The following FGGY variants were observed in gnomAD, a reference collection of about 807,000 sequenced individuals.
The protein encoded by FGGY is FGGY carbohydrate kinase domain containing, also known as FGGY carbohydrate kinase domain-containing protein.
Under a neutral mutation model 71.3 loss-of-function variants are expected in FGGY, and 72 were observed. That is an observed-to-expected ratio of 1.01 (90% CI 0.84 to 1.23). The LOEUF is 1.23. Ranked by LOEUF, FGGY falls within the 50% of genes most tolerant of loss-of-function variation. The pLI, the probability that FGGY is intolerant of heterozygous loss-of-function variation, is 0.00. For synonymous variants in FGGY, 251 were observed against 250.3 expected (o/e 1.00, Z -0.02); for missense variants, 668 against 682.3 (o/e 0.98, Z 0.23).
chr1:59,379,126 A>G (rs1276678439), intron 5 of FGGY, among the ~76,000 whole-genome samples: 2 of 151,238 alleles, frequency 1.3e-5, no homozygotes, highest in African/African-American at 4.9e-5. Context: ...ATTTTTCCAA[A>G]GGCACTTTTT....
intron 11 of FGGY, among the ~76,000 whole-genome samples, chr1:59,659,658 T>C (rs1385283251): frequency 6.6e-6 from 1 of 152,204 alleles, no homozygotes; most frequent in African/African-American, 2.4e-5. Context: ...CTCTCAGAGA[T>C]TGACATACTC....
At chr1:59,306,742 A>G (rs746132904) in intron 1 of FGGY, among the ~76,000 whole-genome samples, 4 of 152,220 alleles carry the variant, frequency 2.6e-5, no homozygotes, top group Non-Finnish European at 5.9e-5. Context: ...GAAGGTAGAG[A>G]ATGGATATGT....
rs1558481908 is a variant in FGGY at position 59,593,813 on chromosome 1, T to C, written c.904-13990T>C. Among the ~76,000 whole-genome samples the C allele has an allele frequency of 2.6e-5, 4 of 152,292 alleles. No homozygotes were observed. The East Asian group carries it at 7.7e-4, about 29-fold the overall frequency. On this transcript the variant is annotated intron_variant, in intron 8 of 15. Transcript: ENST00000303721. Reference sequence around the variant, plus strand: ...TCTCTTTTTCACAGGACCTGACACATAGAAGGTGCTCAGCTGAATGTTTGC... The same window carrying C: ...TCTCTTTTTCACAGGACCTGACACACAGAAGGTGCTCAGCTGAATGTTTGC...
chr1:59,520,162 C>T lies in FGGY; in HGVS notation c.799+7723C>T, dbSNP rs185629341. 5.5e-4 allele frequency among the ~76,000 whole-genome samples: 83 copies of T among 152,254 alleles called. 1 individual carries two copies. The highest frequency in any genetic ancestry group is 1.5e-4 in the Non-Finnish European group (10 of 68,052). On this transcript the variant is annotated intron_variant, in intron 7 of 15. Coordinates refer to ENST00000303721, the MANE Select transcript of FGGY (RefSeq NM_018291.5). The stretch of plus-strand genomic sequence containing the variant: ...GAACACCTCCAGTGATATTATTTCT[C>T]TTCATCAATTCAGCTTATTTCTATA...
intron 6 of FGGY, among the ~76,000 whole-genome samples, chr1:59,477,442 C>T (rs928351715): frequency 6.6e-5 from 10 of 152,158 alleles, no homozygotes; most frequent in African/African-American, 2.4e-4. Flanking sequence ...GGTTTGCTGG[C>T]AGACACTGCG....
intron 8 of FGGY, among the ~76,000 whole-genome samples, chr1:59,559,741 C>T (rs982015941): frequency 7.2e-5 from 11 of 152,122 alleles, no homozygotes; most frequent in African/African-American, 2.7e-4. Flanking sequence ...GAGAATATGT[C>T]ACAGGGAGCC....
chr1:59,537,007 T>C (rs1362893117), intron 7 of FGGY, among the ~76,000 whole-genome samples: 76 of 151,722 alleles, frequency 5.0e-4, no homozygotes, highest in East Asian at 2.5e-3. Flanking sequence ...GGCAATCAGG[T>C]AGGAGAAGGA....
At chr1:59,391,149 C>T (rs1476488803) in intron 5 of FGGY, among the ~76,000 whole-genome samples, 1 of 152,134 alleles carries the variant, frequency 6.6e-6, no homozygotes, top group Non-Finnish European at 1.5e-5. Flanking sequence ...CCTTTTTCTC[C>T]ACCTCCTCCC....
Position 59,340,053 on chromosome 1 carries a change from A to T in FGGY, c.297A>T (p.Leu99Phe), listed in dbSNP as rs762132178. 1 of 1,611,454 alleles carries T rather than the reference A, an allele frequency of 6.2e-7. No homozygotes were observed. Among genetic ancestry groups the T allele is most frequent in the Admixed American group, 1.7e-5 (1 of 59,712 alleles). Residue 99 changes from leucine to phenylalanine, a missense_variant, in exon 3 of 16, where the codon TTA becomes TTT. This residue lies in a region of FGGY where 661 missense variants were observed against 661.6 expected (regional missense o/e 1.00). Transcript: ENST00000303721. ...TTTTGGATAAGCAGTTTCACCCATT[A>T]CCAGTCAACCAGGAAGGTAAGACCA... ...LVVLDKQFHP[L>F]PVNQEGDSHR...
At chr1:59,412,103 G>A (rs17119433) in intron 5 of FGGY, among the ~76,000 whole-genome samples, 26,674 of 152,074 alleles carry the variant, frequency 0.18, 3,150 homozygotes, top group African/African-American at 0.33. Context: ...AAGGGAAATT[G>A]TACCATCTCT....
chr1:59,664,684 G>A (rs1177309305), intron 12 of FGGY, among the ~76,000 whole-genome samples: 1 of 152,180 alleles, frequency 6.6e-6, no homozygotes, highest in African/African-American at 2.4e-5. Context: ...CTTAAGATTA[G>A]AGATGCTATT....
intron 2 of FGGY, among the ~76,000 whole-genome samples, chr1:59,325,142 A>G (rs1295936657): frequency 6.6e-6 from 1 of 152,130 alleles, no homozygotes; most frequent in Non-Finnish European, 1.5e-5. Context: ...TCACGAGGTC[A>G]GGAGATTGAG....
At chr1:59,615,916 T>G (rs1484999860) in intron 9 of FGGY, among the ~76,000 whole-genome samples, 1 of 152,112 alleles carries the variant, frequency 6.6e-6, no homozygotes, top group African/African-American at 2.4e-5. Context: ...TCACTGGCCA[T>G]CAGAGAAATG....
chr1:59,403,795 C>A (rs527793324), intron 5 of FGGY, among the ~76,000 whole-genome samples: 1 of 152,290 alleles, frequency 6.6e-6, no homozygotes, highest in Admixed American at 6.5e-5. Context: ...GGCTCTGGAG[C>A]CAGACTGCAT....
At chr1:59,568,075 T>C (rs953258913) in intron 8 of FGGY, among the ~76,000 whole-genome samples, 4 of 152,092 alleles carry the variant, frequency 2.6e-5, no homozygotes, top group African/African-American at 9.7e-5. Context: ...ATATAATGCA[T>C]AACACTGCCA....
intron 1 of FGGY, among the ~76,000 whole-genome samples, chr1:59,301,913 T>TC (rs2042817643): frequency 6.6e-6 from 1 of 150,864 alleles, no homozygotes; most frequent in Non-Finnish European, 1.5e-5. Context: ...TTTTTTTTTT[T>TC]TTAAGTAGAG....
At chr1:59,743,468 A>G (rs1282447258) in intron 14 of FGGY, among the ~76,000 whole-genome samples, 1 of 152,224 alleles carries the variant, frequency 6.6e-6, no homozygotes. Context: ...GCACAATAAA[A>G]ATGACATTAT....
At chr1:59,368,207 A>G (rs2056904449) in intron 4 of FGGY, among the ~76,000 whole-genome samples, 1 of 152,180 alleles carries the variant, frequency 6.6e-6, no homozygotes, top group South Asian at 2.1e-4. Context: ...TCCGTGCAAC[A>G]TTGTGCATGG....
In FGGY at chr1:59,662,277, G is replaced by A. The variant is rs182293944; in HGVS notation, c.1296+1984G>A. Among the ~76,000 whole-genome samples, 494 of 147,050 alleles carry A rather than the reference G, an allele frequency of 3.4e-3. 3 individuals are homozygous for A. Among genetic ancestry groups the A allele is most frequent in the African/African-American group, 0.011 (454 of 39,892 alleles). On this transcript the variant is annotated intron_variant, in intron 12 of 15. Transcript: ENST00000303721. ...GGAGCTTGCAGTGAACTGAGATCGCGCCACTGCACTCCAGCCTGGGTCACA... is the reference window on the plus strand; with the variant it reads ...GGAGCTTGCAGTGAACTGAGATCGCACCACTGCACTCCAGCCTGGGTCACA...
Sources: allele counts gnomAD v4.1 joint callset (sites outside exome capture counted in the v4.1 genomes callset), GRCh38; gene constraint gnomAD v4.1.1; regional missense constraint gnomAD v4.1.1; transcripts MANE v1.5; gene names NCBI Gene and HGNC (gene_info 2026-07-23, HGNC 2026-07-21).